TNC: variants seen among roughly 807,000 people sequenced by gnomAD.
TNC encodes tenascin C, also known as tenascin.
A neutral mutation model predicts 202.4 loss-of-function variants in TNC; 109 were observed. That is an observed-to-expected ratio of 0.54 (90% CI 0.46 to 0.63). TNC has a LOEUF of 0.63. Among genes scored for constraint, TNC ranks in the 30% least tolerant of loss-of-function variants. The pLI is 0.00. For synonymous variants in TNC, 1,007 were observed against 1,089.7 expected (o/e 0.92, Z 1.50); for missense variants, 2,756 against 2,833.3 (o/e 0.97, Z 0.62).
rs371579134 is a variant in TNC, at chr9:115,021,106, C to T, written c.*51G>A. On this transcript the variant is annotated 3_prime_UTR_variant, in exon 28 of 28. Coordinates refer to ENST00000350763, the MANE Select transcript of TNC (RefSeq NM_002160.4). Reference sequence around the variant, plus strand: ...GGTTGTATTGATGCTTTGGTAAAATCCTTTCCTCGCTCTGGGCCTTATTCC... The same window carrying T: ...GGTTGTATTGATGCTTTGGTAAAATTCTTTCCTCGCTCTGGGCCTTATTCC... The T allele has an allele frequency of 3.4e-6, 5 of 1,462,540 alleles. No homozygotes were observed. The highest frequency in any genetic ancestry group is 4.8e-6 in the Non-Finnish European group (5 of 1,046,684). The allele number at this position is 1,462,540 out of a possible 1,614,324, so 90.6% of individuals were successfully genotyped here. A position where few individuals can be genotyped will look rare whatever the true frequency, so the allele number is the denominator to read the frequency against.
intron 1 of TNC, among the ~76,000 whole-genome samples, chr9:115,116,956 G>A (rs1408003801): frequency 1.3e-5 from 2 of 152,188 alleles, no homozygotes; most frequent in African/African-American, 4.8e-5. Context: ...AACTTCCAGA[G>A]TGATGGCAGT....
At chr9:115,083,991 T>C (rs905077470) in intron 4 of TNC, among the ~76,000 whole-genome samples, 1 of 152,226 alleles carries the variant, frequency 6.6e-6, no homozygotes, top group Non-Finnish European at 1.5e-5. Context: ...CTTGTAATGA[T>C]TTTCTCTGGC....
At chr9:115,026,452 G>T in intron 26 of TNC, 82 bp downstream of exon 26, 1 of 1,433,452 alleles carries the variant, frequency 7.0e-7, no homozygotes, top group Non-Finnish European at 9.6e-7. Flanking sequence ...AATGAGGAAG[G>T]AATGAAAGTT....
chr9:115,074,814 G>A lies in TNC; in HGVS notation c.2951-948C>T, dbSNP rs558977011. On this transcript the variant is annotated intron_variant, in intron 9 of 27. Coordinates refer to ENST00000350763, the MANE Select transcript of TNC (RefSeq NM_002160.4). ...GAACTAAGTATATACACACACATAC[G>A]AATGAGTGTATGCAAAACTGGTGAA... 2.9e-4 allele frequency among the ~76,000 whole-genome samples: 44 copies of A among 152,228 alleles called. No homozygotes were observed. The South Asian group carries it at 8.5e-3, about 29-fold the overall frequency.
rs35177151 is a variant in TNC at position 115,065,901 on chromosome 9, C to CAAAAA, written c.3215-987_3215-983dup. Among the ~76,000 whole-genome samples, 21 of 46,644 alleles carry CAAAAA rather than the reference C, an allele frequency of 4.5e-4. 1 individual carries two copies. Among genetic ancestry groups the CAAAAA allele is most frequent in the Admixed American group, 1.0e-3 (4 of 3,816 alleles). The allele number at this position is 46,644 out of a possible 152,430, so 30.6% of individuals were successfully genotyped here. On this transcript the variant is annotated intron_variant, in intron 10 of 27. Transcript: ENST00000350763. ...TGGGTGACAGAACGAGACTCCATCT[C>CAAAAA]AAAAAAAAAAAAAAAAAAAAAAAGC...
intron 10 of TNC, 117 bp downstream of exon 10, chr9:115,073,486 A>G (rs1457370503): frequency 7.9e-7 from 1 of 1,265,712 alleles, no homozygotes. Flanking sequence ...GGCTTCAGAG[A>G]TGGAGAAAGT....
At position 115,075,941 on chromosome 9, in the gene TNC, T is replaced by C. The variant is rs1337848072; in HGVS notation, c.2950+91A>G. The stretch of plus-strand genomic sequence containing the variant: ...GGCCCTTTTTCCTCCAGGCTTCTAC[T>C]TTTTCTCTTTAAATAGGTTTTGGCC... On this transcript the variant is annotated intron_variant, in intron 9 of 27. Transcript: ENST00000350763. 8 of 1,168,382 alleles carry C rather than the reference T, an allele frequency of 6.8e-6. No homozygotes were observed. In the African/African-American group the frequency reaches 9.1e-5, roughly 13 times the overall value. The allele number at this position is 1,168,382 out of a possible 1,614,324, so 72.4% of individuals were successfully genotyped here.
At chr9:115,087,698 C>CT (rs752435283) in intron 2 of TNC, among the ~76,000 whole-genome samples, 23,272 of 117,682 alleles carry the variant, frequency 0.2, 2,504 homozygotes, top group Non-Finnish European at 0.24. Flanking sequence ...TCTTTCTTTT[C>CT]TTTTTTTTTT....
At chr9:115,072,122 C>G (rs1200401881) in intron 10 of TNC, among the ~76,000 whole-genome samples, 1 of 152,224 alleles carries the variant, frequency 6.6e-6, no homozygotes, top group Non-Finnish European at 1.5e-5. Context: ...CTTTCCCTGC[C>G]TCCCTTACAG....
chr9:115,026,275 C>G (rs573375261), intron 26 of TNC, among the ~76,000 whole-genome samples: 2 of 152,128 alleles, frequency 1.3e-5, no homozygotes, highest in African/African-American at 4.8e-5. Flanking sequence ...GAAAGACACA[C>G]TTTTTTTGAA....
chr9:115,064,682 T>C lies in TNC; in HGVS notation c.3452A>G (p.Tyr1151Cys). The change falls in exon 11 of 28, where the codon TAT becomes TGT. Residue 1151 changes from tyrosine to cysteine, a missense_variant. Tyr to Cys is a radical substitution (Grantham distance 194). Coordinates refer to ENST00000350763, the MANE Select transcript of TNC (RefSeq NM_002160.4). Reference protein sequence around the residue: ...TVSIYGVIQGYRTPVLSAEAS... With the variant: ...TVSIYGVIQGCRTPVLSAEAS... ...CTCAGCAGAGAGCACTGGTGTTCTA[T>C]AGCCCTGGATCACCCCATAGATGGA... The C allele has an allele frequency of 6.2e-7, 1 of 1,613,836 alleles. No individual in the cohort carries two copies. Among genetic ancestry groups the C allele is most frequent in the South Asian group, 1.1e-5 (1 of 91,084 alleles).
At chr9:115,047,364 AT>A (rs1457620839) in intron 16 of TNC, among the ~76,000 whole-genome samples, 1 of 151,508 alleles carries the variant, frequency 6.6e-6, no homozygotes, top group African/African-American at 2.4e-5. Flanking sequence ...TTCATCTTGC[AT>A]TGCCTTAACT....
chr9:115,032,414 A>G (rs941718583), intron 22 of TNC, among the ~76,000 whole-genome samples: 11 of 152,234 alleles, frequency 7.2e-5, no homozygotes, highest in African/African-American at 2.7e-4. Context: ...ATGTTTGGAC[A>G]TGCCAATGAC....
chr9:115,047,970 G>A lies in TNC; in HGVS notation c.4852+290C>T, dbSNP rs1325470340. On this transcript the variant is annotated intron_variant, in intron 16 of 27. Coordinates refer to ENST00000350763, the MANE Select transcript of TNC (RefSeq NM_002160.4). ...GGGGACCAGCCAGGTTGATCACAAG[G>A]GACGATGATATGAGGTAAGCACACA... Among the ~76,000 whole-genome samples the A allele has an allele frequency of 2.0e-5, 3 of 152,140 alleles. No homozygotes were observed. In the East Asian group the frequency reaches 5.8e-4, roughly 29 times the overall value.
At chr9:115,087,698 C>CTTTTTTTTTTTTT (rs752435283) in intron 2 of TNC, among the ~76,000 whole-genome samples, 1 of 119,736 alleles carries the variant, frequency 8.4e-6, no homozygotes, top group Non-Finnish European at 1.7e-5. Context: ...TCTTTCTTTT[C>CTTTTTTTTTTTTT]TTTTTTTTTT....
intron 19 of TNC, among the ~76,000 whole-genome samples, chr9:115,040,457 G>A (rs770581124): frequency 2.3e-4 from 35 of 152,176 alleles, no homozygotes; most frequent in South Asian, 1.0e-3. Context: ...GGCAATAGGC[G>A]GGGAGGTGAA....
chr9:115,057,182 G>A lies in TNC; in HGVS notation c.4550C>T (p.Thr1517Ile), dbSNP rs1347597249. The A allele has an allele frequency of 1.2e-6, 2 of 1,613,720 alleles. No homozygotes were observed. The highest frequency in any genetic ancestry group is 1.7e-4 in the Middle Eastern group (1 of 6,054). ...CGTGGCTGTGGCACTGATGGTTTTG[G>A]TCCGGATGCTGGGAGCAAGTCCAGA... ...YLSGLAPSIR[T>I]KTISATATTE... The change falls in exon 15 of 28, where the codon ACC (threonine) becomes ATC (isoleucine). Residue 1517 changes from threonine (T) to isoleucine (I), a missense_variant. Thr to Ile is a moderately conservative substitution (Grantham distance 89). Coordinates refer to ENST00000350763, the MANE Select transcript of TNC (RefSeq NM_002160.4).
At chr9:115,039,979 A>G (rs898954907) in intron 19 of TNC, among the ~76,000 whole-genome samples, 2 of 152,248 alleles carry the variant, frequency 1.3e-5, no homozygotes, top group African/African-American at 2.4e-5. Flanking sequence ...AAAATTTCCT[A>G]TGAGGTCTAT....
chr9:115,028,924 GAAAAAAAAAAAA>G (rs57737243), intron 25 of TNC, among the ~76,000 whole-genome samples: 36 of 63,952 alleles, frequency 5.6e-4, no homozygotes, highest in South Asian at 8.2e-4. Context: ...CATTATCTCT[GAAAAAAAAAAAA>G]AAAAAAAAAA....
Sources: allele counts gnomAD v4.1 joint callset (sites outside exome capture counted in the v4.1 genomes callset), GRCh38; gene constraint gnomAD v4.1.1; transcripts MANE v1.5; gene names NCBI Gene and HGNC (gene_info 2026-07-23, HGNC 2026-07-21).